LSS: variants seen among roughly 807,000 people sequenced by gnomAD.
The protein encoded by LSS is 2,3-epoxysqualene-lanosterol cyclase.
A neutral mutation model predicts 110.3 loss-of-function variants in LSS; 90 were observed. The observed-to-expected ratio is 0.82, with a 90% CI of 0.69 to 0.97. LSS has a LOEUF of 0.97. LSS is among the 50% of genes least tolerant of loss of function. The pLI is 0.00. For missense variants in LSS, 927 were observed against 990.0 expected, an observed-to-expected ratio of 0.94 and a Z score of 0.85; for synonymous variants, 433 against 400.0, an observed-to-expected ratio of 1.08 and a Z score of -0.98.
At position 46,209,545 on chromosome 21, in the gene LSS, C is replaced by A. The variant is rs576185816; in HGVS notation, c.1266+9G>T. ...TCAGCCCCCTCAGAGCCCCAGGCAC[C>A]GGCCTCACCTGTGAGAGCCTCAGGA... On this transcript the variant is annotated intron_variant, in intron 13 of 21. Coordinates refer to ENST00000397728, the MANE Select transcript of LSS (RefSeq NM_002340.6). This position sits in a 1 kb window ranked among gnomAD's most constrained non-coding sequence, Gnocchi z 4.4. 3.8e-6 allele frequency: 6 copies of A among 1,599,760 alleles called. No homozygotes were observed. In the East Asian group the frequency reaches 6.8e-5, roughly 18 times the overall value.
intron 5 of LSS, among the ~76,000 whole-genome samples, chr21:46,221,074 G>A (rs950681415): frequency 2.8e-5 from 4 of 140,936 alleles, no homozygotes; most frequent in African/African-American, 1.1e-4. Context: ...GAAGTAGACA[G>A]TTGGGGCTTG....
intron 17 of LSS, among the ~76,000 whole-genome samples, chr21:46,198,831 A>G (rs1180262650): frequency 7.2e-5 from 6 of 83,128 alleles, no homozygotes; most frequent in Non-Finnish European, 1.2e-4. Context: ...TCCACATGCA[A>G]AAAAAAAAAA....
intron 9 of LSS, 130 bp from the exon 10 acceptor site, chr21:46,213,965 G>A (rs767625392): frequency 4.4e-6 from 3 of 680,674 alleles, no homozygotes; most frequent in Non-Finnish European, 8.0e-6. Flanking sequence ...GCCAGGACAG[G>A]GGCCTTCTGC....
intron 18 of LSS, among the ~76,000 whole-genome samples, chr21:46,195,992 C>CCAG (rs2079904978): frequency 6.6e-6 from 1 of 152,242 alleles, no homozygotes; most frequent in Non-Finnish European, 1.5e-5. Context: ...CCGGCTGCGC[C>CCAG]CAGCAACGTA....
rs139713601 is a variant in LSS, at chr21:46,200,432, G to A, written c.1671-4165C>T. On this transcript the variant is annotated intron_variant, in intron 17 of 21. Coordinates refer to ENST00000397728, the MANE Select transcript of LSS (RefSeq NM_002340.6). ...TCATAGCGGAGAAACTAAGTACAGC[G>A]GTCATCACCTTAATCAAGGGATCAA... Among the ~76,000 whole-genome samples, 276 of 152,206 alleles carry A rather than the reference G, an allele frequency of 1.8e-3. 2 individuals are homozygous for A. In the Middle Eastern group the frequency reaches 0.02, roughly 11 times the overall value.
chr21:46,222,461 G>A, intron 4 of LSS, 169 bp downstream of exon 4: 2 of 599,648 alleles, frequency 3.3e-6, no homozygotes, highest in Non-Finnish European at 5.9e-6. Context: ...GGCCCCACCT[G>A]CATGGCCTTC....
intron 3 of LSS, 115 bp from the exon 4 acceptor site, chr21:46,222,853 A>C (rs1405129935): frequency 2.7e-6 from 2 of 752,370 alleles, no homozygotes; most frequent in Non-Finnish European, 4.4e-6. Context: ...TTCTCATAAA[A>C]ACACCCCCTG....
rs1179284261 is a variant in LSS at position 46,216,289 on chromosome 21, C to A, written c.783+100G>T. 2.7e-6 allele frequency: 4 copies of A among 1,482,782 alleles called. No homozygotes were observed. In the African/African-American group the frequency reaches 4.2e-5, roughly 15 times the overall value. The allele number at this position is 1,482,782 out of a possible 1,614,324, so 91.9% of individuals were successfully genotyped here. A position where few individuals can be genotyped will look rare whatever the true frequency, so the allele number is the denominator to read the frequency against. ...CCACAGGGCTCTCCGCTCCACAGGG[C>A]CACCAGGTGAGTGGACAGGTGTGGT... is the stretch of plus-strand genomic sequence containing the variant. On this transcript the variant is annotated intron_variant, in intron 7 of 21. Coordinates refer to ENST00000397728, the MANE Select transcript of LSS (RefSeq NM_002340.6). This position sits in a 1 kb window ranked among gnomAD's most constrained non-coding sequence, Gnocchi z 4.2.
intron 7 of LSS, among the ~76,000 whole-genome samples, 160 bp from the exon 8 acceptor site, chr21:46,215,953 C>A (rs1330783039): frequency 1.3e-5 from 2 of 152,112 alleles, no homozygotes; most frequent in African/African-American, 4.8e-5. Flanking sequence ...CACATGAAGG[C>A]CCCCTATGGG....
intron 11 of LSS, 59 bp downstream of exon 11, chr21:46,212,963 AAAT>A: frequency 6.2e-7 from 1 of 1,606,066 alleles, no homozygotes; most frequent in South Asian, 1.1e-5. Context: ...CCCAAAGGAA[AAAT>A]AATAAAGGGG....
At position 46,194,600 on chromosome 21, in the gene LSS, C is replaced by T. The variant is rs1232190514; in HGVS notation, c.1879G>A (p.Gly627Arg). Residue 627 changes from glycine to arginine, a missense_variant, in exon 20 of 22, where the codon GGA (glycine) becomes AGA (arginine). Coordinates refer to ENST00000397728, the MANE Select transcript of LSS (RefSeq NM_002340.6). ...DFLLSRQMAD[G>R]GWGEDFESCE... The stretch of plus-strand genomic sequence containing the variant: ...GACTCAAAGTCCTCCCCCCAGCCTC[C>T]GTCTGCCATCTGCCGGGACAGCAGG... The T allele has an allele frequency of 1.2e-6, 2 of 1,613,692 alleles. No individual in the cohort carries two copies. Among genetic ancestry groups the T allele is most frequent in the African/African-American group, 1.3e-5 (1 of 74,950 alleles).
intron 13 of LSS, 94 bp from the exon 14 acceptor site, chr21:46,208,395 G>C: frequency 1.7e-6 from 2 of 1,148,932 alleles, no homozygotes; most frequent in Non-Finnish European, 1.3e-6. Context: ...GGGCAGGACT[G>C]GAGAGGCAGA....
At chr21:46,212,057 G>A (rs1185209512) in intron 11 of LSS, among the ~76,000 whole-genome samples, 1 of 50,658 alleles carries the variant, frequency 2.0e-5, no homozygotes, top group East Asian at 4.3e-4. Context: ...GCTGGGCAGG[G>A]AGGGGCAGGG....
intron 3 of LSS, among the ~76,000 whole-genome samples, chr21:46,223,196 T>C (rs2080298250): frequency 6.6e-6 from 1 of 152,258 alleles, no homozygotes; most frequent in African/African-American, 2.4e-5. Flanking sequence ...ACTTATTTAT[T>C]TATATTTTTC....
chr21:46,191,910 T>C lies in LSS; in HGVS notation c.2038A>G (p.Lys680Glu). 1 of 1,613,716 alleles carries C rather than the reference T, an allele frequency of 6.2e-7. No homozygotes were observed. Among genetic ancestry groups the C allele is most frequent in the Non-Finnish European group, 8.5e-7 (1 of 1,179,914 alleles). The part of the protein sequence containing the change: ...QERGVRCLLE[K>E]QLPNGDWPQE... ...GGCCAGTCGCCATTGGGGAGCTGTT[T>C]CTCAAGTAGACACCGGACTCCTCTC... Residue 680 changes from lysine to glutamate, a missense_variant, in exon 21 of 22, where the codon AAA becomes GAA. Coordinates refer to ENST00000397728, the MANE Select transcript of LSS (RefSeq NM_002340.6).
chr21:46,222,078 A>G, intron 4 of LSS, 103 bp from the exon 5 acceptor site: 1 of 1,408,224 alleles, frequency 7.1e-7, no homozygotes, highest in Non-Finnish European at 9.8e-7. Context: ...AGAATGCTAA[A>G]ATGCCTTAAC....
chr21:46,228,220 C>T (rs1025599513), intron 2 of LSS, among the ~76,000 whole-genome samples: 1 of 152,220 alleles, frequency 6.6e-6, no homozygotes, highest in African/African-American at 2.4e-5. Context: ...AAATAAGGTG[C>T]TAAAAAATAA....
intron 11 of LSS, 32 bp downstream of exon 11, chr21:46,212,993 G>A (rs760677079): frequency 6.2e-7 from 1 of 1,613,438 alleles, no homozygotes; most frequent in Non-Finnish European, 8.5e-7. Flanking sequence ...GATTGCAAAG[G>A]AAGCATGCAG....
intron 6 of LSS, among the ~76,000 whole-genome samples, chr21:46,218,580 C>T (rs1431422094): frequency 6.6e-6 from 1 of 151,986 alleles, no homozygotes; most frequent in Non-Finnish European, 1.5e-5. Context: ...CCCCAAATCA[C>T]GCCACTGCAC....
Sources: gnomAD v4.1 joint callset for allele counts (sites outside exome capture counted in the v4.1 genomes callset) on GRCh38, gnomAD v4.1.1 for gene constraint, Gnocchi (gnomAD v3.1) non-coding constraint, MANE v1.5 for transcripts, NCBI Gene and HGNC (gene_info 2026-07-23, HGNC 2026-07-21) for gene names.